The following SPINK13 variants were observed in gnomAD, a reference collection of about 807,000 sequenced individuals.
The protein encoded by SPINK13 is serine peptidase inhibitor Kazal type 13, also known as serine protease inhibitor Kazal-type 13.
In SPINK13, 11 loss-of-function variants were observed where a neutral mutation model predicts 11.0. The observed-to-expected ratio is 1.00, with a 90% CI of 0.63 to 1.65. The LOEUF is 1.65. Among genes scored for constraint, SPINK13 ranks in the 40% most tolerant of loss-of-function variants. SPINK13 has a pLI of 0.00. For missense variants in SPINK13, 113 were observed against 117.7 expected (o/e 0.96, Z 0.19); for synonymous variants, 31 against 35.6 (o/e 0.87, Z 0.46).
chr5:148,268,811 G>A lies in SPINK13; in HGVS notation c.-111G>A, dbSNP rs1402177205. 1 of 152,580 alleles carries A rather than the reference G, an allele frequency of 6.6e-6. No homozygotes were observed. Among genetic ancestry groups the A allele is most frequent in the Non-Finnish European group, 1.5e-5 (1 of 68,312 alleles). 9.5% of individuals were successfully genotyped at this position (152,580 alleles called of 1,614,324 possible). ...TCAAGGCTAGTTGTGACAGACTCCT[G>A]GAACAGCAGCTCTTCTCAAGGCTAG... On this transcript the variant is annotated 5_prime_UTR_variant, in exon 1 of 5. Transcript: ENST00000398450.
At chr5:148,275,575 G>T (rs937538942) in intron 3 of SPINK13, among the ~76,000 whole-genome samples, 1 of 152,090 alleles carries the variant, frequency 6.6e-6, no homozygotes, top group East Asian at 1.9e-4. Flanking sequence ...CCTCCACAAT[G>T]GTTGAACTAA....
At chr5:148,275,142 CT>C in intron 3 of SPINK13, among the ~76,000 whole-genome samples, 1 of 152,086 alleles carries the variant, frequency 6.6e-6, no homozygotes, top group African/African-American at 2.4e-5. Flanking sequence ...CTTGTCCCCG[CT>C]CCCCCAACAG....
intron 2 of SPINK13, among the ~76,000 whole-genome samples, chr5:148,273,908 T>C (rs1302985730): frequency 6.6e-6 from 1 of 152,322 alleles, no homozygotes; most frequent in East Asian, 1.9e-4. Context: ...CTCCCTCAGT[T>C]TTCTTATCAT....
At chr5:148,274,191 A>T (rs1416431433) in intron 2 of SPINK13, among the ~76,000 whole-genome samples, 156 bp from the exon 3 acceptor site, 1 of 152,256 alleles carries the variant, frequency 6.6e-6, no homozygotes, top group Non-Finnish European at 1.5e-5. Context: ...TAATTTAAAA[A>T]GGAATGTTAC....
At chr5:148,284,936 T>C (rs1756569087) in intron 4 of SPINK13, among the ~76,000 whole-genome samples, 1 of 152,194 alleles carries the variant, frequency 6.6e-6, no homozygotes, top group Non-Finnish European at 1.5e-5. Flanking sequence ...TTAAAAAGCT[T>C]GTGGTCTTAT....
intron 4 of SPINK13, among the ~76,000 whole-genome samples, chr5:148,285,187 T>C (rs73278570): frequency 0.044 from 6,753 of 152,186 alleles, 473 homozygotes; most frequent in African/African-American, 0.15. Flanking sequence ...ACCATAGTTC[T>C]TCCTCTCTCT....
intron 1 of SPINK13, 36 bp from the exon 2 acceptor site, chr5:148,270,004 G>C: frequency 4.8e-6 from 7 of 1,469,586 alleles, no homozygotes; most frequent in Non-Finnish European, 6.7e-6. Flanking sequence ...AGCTAGCTGT[G>C]GGGGAAACTA....
At chr5:148,272,408 T>A (rs528914835) in intron 2 of SPINK13, among the ~76,000 whole-genome samples, 1 of 152,324 alleles carries the variant, frequency 6.6e-6, no homozygotes, top group Middle Eastern at 3.4e-3. Flanking sequence ...TGGTGCAATA[T>A]ATAAATTGAG....
chr5:148,279,893 A>G (rs1189101495), intron 3 of SPINK13, among the ~76,000 whole-genome samples: 2 of 152,048 alleles, frequency 1.3e-5, no homozygotes, highest in African/African-American at 4.8e-5. Flanking sequence ...ACTTGGTTCC[A>G]TTCTCCCCAT....
At chr5:148,285,166 T>C (rs886167158) in intron 4 of SPINK13, among the ~76,000 whole-genome samples, 1 of 152,186 alleles carries the variant, frequency 6.6e-6, no homozygotes, top group African/African-American at 2.4e-5. Flanking sequence ...GGAGATCATG[T>C]GTTCCAAACA....
chr5:148,282,068 T>C (rs759630089), intron 3 of SPINK13, 36 bp from the exon 4 acceptor site: 3 of 1,610,788 alleles, frequency 1.9e-6, no homozygotes, highest in Middle Eastern at 1.7e-4. Context: ...GGAGAGAGTG[T>C]ATTATTTGTC....
intron 4 of SPINK13, among the ~76,000 whole-genome samples, chr5:148,284,564 G>C (rs530509199): frequency 5.6e-4 from 85 of 152,214 alleles, no homozygotes; most frequent in African/African-American, 1.9e-3. Context: ...ATGCATATTT[G>C]CTTAATTCTC....
Position 148,286,217 on chromosome 5 carries a change from A to C in SPINK13, c.*169A>C. The stretch of plus-strand genomic sequence containing the variant: ...ATCAAACTGACAAGAACCAAATATC[A>C]CATTTGTTACAAATAAACAACAAAA... On this transcript the variant is annotated 3_prime_UTR_variant, in exon 5 of 5. Transcript: ENST00000398450. The C allele has an allele frequency of 2.7e-6, 1 of 373,048 alleles. No individual in the cohort carries two copies. The highest frequency in any genetic ancestry group is 4.9e-6 in the Non-Finnish European group (1 of 205,500). The allele number at this position is 373,048 out of a possible 1,614,324, so 23.1% of individuals were successfully genotyped here.
At chr5:148,279,205 GCA>G (rs1402268685) in intron 3 of SPINK13, among the ~76,000 whole-genome samples, 1 of 146,960 alleles carries the variant, frequency 6.8e-6, no homozygotes, top group African/African-American at 2.5e-5. Flanking sequence ...CCTGGATACA[GCA>G]CACTGATGGG....
chr5:148,269,419 T>C (rs986249620), intron 1 of SPINK13, among the ~76,000 whole-genome samples: 2 of 152,104 alleles, frequency 1.3e-5, no homozygotes, highest in Admixed American at 6.6e-5. Context: ...GATTCTTGCA[T>C]CAGGGAAGGT....
At chr5:148,272,056 T>C (rs77664174) in intron 2 of SPINK13, among the ~76,000 whole-genome samples, 102 of 152,366 alleles carry the variant, frequency 6.7e-4, no homozygotes, top group African/African-American at 2.3e-3. Context: ...CATTGATGAA[T>C]AATATCACAT....
chr5:148,277,186 T>C (rs1018205315), intron 3 of SPINK13, among the ~76,000 whole-genome samples: 6 of 152,338 alleles, frequency 3.9e-5, no homozygotes, highest in African/African-American at 1.4e-4. Flanking sequence ...GCTGAGATGA[T>C]GGAGTTTTCT....
chr5:148,269,517 A>T (rs1561748928), intron 1 of SPINK13, among the ~76,000 whole-genome samples: 1 of 152,132 alleles, frequency 6.6e-6, no homozygotes. Context: ...TGGCAAAGAG[A>T]AATTTAGCTG....
At position 148,282,190 on chromosome 5, in the gene SPINK13, CCA is replaced by C. The variant is rs1292904492; in HGVS notation, c.199_200del (p.Thr67PhefsTer4). 1.2e-6 allele frequency: 2 copies of C among 1,614,138 alleles called. No homozygotes were observed. The highest frequency in any genetic ancestry group is 2.7e-5 in the African/African-American group (2 of 75,022). On this transcript the variant is annotated frameshift_variant, in exon 4 of 5. Transcript: ENST00000398450. LOFTEE classifies it low-confidence loss of function (END_TRUNC). ...CAGCACCTGTTTGTGCCTCAAATGG[CCA>C]CACTTTCCAGAATGAGTGTTTCTTT... ...VTAPVCASNG[H>X]TFQNECFFCV...
Sources: gnomAD v4.1 joint callset for allele counts (sites outside exome capture counted in the v4.1 genomes callset) on GRCh38, gnomAD v4.1.1 for gene constraint, MANE v1.5 for transcripts, NCBI Gene and HGNC (gene_info 2026-07-23, HGNC 2026-07-21) for gene names.